Variants in ATG16L1 observed in about 807,000 individuals in gnomAD.
ATG16L1 encodes autophagy-related protein 16-1.
A neutral mutation model predicts 88.5 loss-of-function variants in ATG16L1; 37 were observed. That is an observed-to-expected ratio of 0.42 (90% CI 0.32 to 0.55). The LOEUF (loss-of-function observed/expected upper bound fraction) is 0.55. Ranked by LOEUF, ATG16L1 falls within the 20% of genes least tolerant of loss-of-function variation. ATG16L1 has a pLI of 0.13. For synonymous variants in ATG16L1, 301 were observed against 281.0 expected (o/e 1.07, Z -0.71); for missense variants, 554 against 752.8 (o/e 0.74, Z 3.09).
intron 5 of ATG16L1, chr2:233,265,807 G>A (rs1697528393): frequency 6.6e-6 from 1 of 152,208 alleles, no homozygotes; most frequent in Non-Finnish European, 1.5e-5. Context: ...ATCCTGCTAA[G>A]TCTATTTATT....
intron 12 of ATG16L1, among the ~76,000 whole-genome samples, chr2:233,283,667 C>T (rs1274053256): frequency 6.6e-6 from 1 of 151,842 alleles, no homozygotes; most frequent in Non-Finnish European, 1.5e-5. Flanking sequence ...TCTCCTGCCT[C>T]AGCCTCCTGA....
At chr2:233,264,804 C>G in intron 4 of ATG16L1, 88 bp from the exon 5 acceptor site, 1 of 1,535,184 alleles carries the variant, frequency 6.5e-7, no homozygotes, top group South Asian at 1.2e-5. Flanking sequence ...GTAACAGACA[C>G]AAAGTGTTAA....
intron 8 of ATG16L1, 153 bp downstream of exon 8, chr2:233,273,930 T>A (rs1698160864): frequency 6.5e-7 from 1 of 1,536,188 alleles, no homozygotes; most frequent in Admixed American, 2.0e-5. Context: ...TTCTTCCTTT[T>A]TTCCTCAACT....
chr2:233,290,026 A>G, intron 13 of ATG16L1, 52 bp downstream of exon 13: 1 of 1,600,852 alleles, frequency 6.2e-7, no homozygotes, highest in Non-Finnish European at 8.6e-7. Flanking sequence ...GTTAGCGTGG[A>G]GGTGTGTGTT....
chr2:233,271,003 A>T (rs1279188505), intron 6 of ATG16L1, among the ~76,000 whole-genome samples: 6 of 152,230 alleles, frequency 3.9e-5, no homozygotes, highest in Non-Finnish European at 8.8e-5. Context: ...TTCCCATATC[A>T]TGCCTTTGCT....
At position 233,270,025 on chromosome 2, in the gene ATG16L1, AAG is replaced by A; in HGVS notation, c.668_669del (p.Glu223AlafsTer15). ...AGGAGGCGGCAAGCCCGGCTGCAGA[AAG>A]AGCTTGCAGAAGCAGCAAAGGAACC... On this transcript the variant is annotated frameshift_variant, in exon 6 of 18. Coordinates refer to ENST00000392017, the MANE Select transcript of ATG16L1 (RefSeq NM_030803.7). LOFTEE classifies it high-confidence loss of function. The A allele has an allele frequency of 6.3e-7, 1 of 1,584,396 alleles. No homozygotes were observed. Among genetic ancestry groups the A allele is most frequent in the Non-Finnish European group, 8.6e-7 (1 of 1,168,252 alleles).
In ATG16L1 at chr2:233,284,125, T is replaced by C. The variant is rs571626446; in HGVS notation, c.1203+1372T>C. ...TCCCAAAGTGCTGGGATTACAGGCG[T>C]GAGCCACCGTGCCCAGCCTAAATTT... is the stretch of plus-strand genomic sequence containing the variant. On this transcript the variant is annotated intron_variant, in intron 12 of 17. Coordinates refer to ENST00000392017, the MANE Select transcript of ATG16L1 (RefSeq NM_030803.7). Among the ~76,000 whole-genome samples the C allele has an allele frequency of 3.3e-5, 5 of 151,120 alleles. No individual in the cohort carries two copies. In the South Asian group the frequency reaches 1.0e-3, roughly 32 times the overall value.
At chr2:233,268,010 C>T (rs1405102129) in intron 5 of ATG16L1, among the ~76,000 whole-genome samples, 2 of 152,182 alleles carry the variant, frequency 1.3e-5, no homozygotes, top group Non-Finnish European at 1.5e-5. Flanking sequence ...TCCTGCCTCC[C>T]CAGCTTAGAT....
chr2:233,283,392 C>G (rs1284462741), intron 12 of ATG16L1, among the ~76,000 whole-genome samples: 2 of 150,454 alleles, frequency 1.3e-5, no homozygotes, highest in Non-Finnish European at 2.9e-5. Flanking sequence ...ATCACATAAG[C>G]TTATTAAATA....
intron 2 of ATG16L1, among the ~76,000 whole-genome samples, chr2:233,260,632 T>C (rs1267374180): frequency 1.3e-5 from 2 of 152,200 alleles, no homozygotes; most frequent in African/African-American, 4.8e-5. Context: ...GGGGCTGATA[T>C]TCATTGTAAG....
chr2:233,292,308 C>T (rs1699513414), intron 15 of ATG16L1, 31 bp downstream of exon 15: 1 of 1,612,454 alleles, frequency 6.2e-7, no homozygotes, highest in Non-Finnish European at 8.5e-7. Context: ...TGCATGAAGA[C>T]CAGAGGCCCA....
intron 5 of ATG16L1, among the ~76,000 whole-genome samples, chr2:233,269,646 A>G (rs1697849482): frequency 2.0e-5 from 3 of 152,210 alleles, no homozygotes; most frequent in South Asian, 4.1e-4. Context: ...GTGTAAGACT[A>G]TTTGCTGCAG....
intron 12 of ATG16L1, 104 bp from the exon 13 acceptor site, chr2:233,289,750 G>A: frequency 2.7e-6 from 4 of 1,467,568 alleles, no homozygotes; most frequent in Non-Finnish European, 3.8e-6. Context: ...ATCTCAGGGT[G>A]GTCTGACACT....
At position 233,294,522 on chromosome 2, in the gene ATG16L1, G is replaced by A. The variant is rs539845304; in HGVS notation, c.*172G>A. Reference sequence around the variant, plus strand: ...GAATGGGATTTCTGAAGATTTGACTGAGGTCTCTCTTGGCCTGGAAGAATA... The same window carrying A: ...GAATGGGATTTCTGAAGATTTGACTAAGGTCTCTCTTGGCCTGGAAGAATA... On this transcript the variant is annotated 3_prime_UTR_variant, in exon 18 of 18. Transcript: ENST00000392017. The A allele has an allele frequency of 5.1e-5, 27 of 526,732 alleles. No individual in the cohort carries two copies. The highest frequency in any genetic ancestry group is 1.1e-4 in the Admixed American group (3 of 27,776). 32.6% of individuals were successfully genotyped at this position (526,732 alleles called of 1,614,324 possible). A position where few individuals can be genotyped will look rare whatever the true frequency, so the allele number is the denominator to read the frequency against.
intron 12 of ATG16L1, among the ~76,000 whole-genome samples, chr2:233,289,377 A>AT (rs1553608984): frequency 3.1e-5 from 4 of 129,060 alleles, no homozygotes; most frequent in African/African-American, 1.2e-4. Context: ...CCTGTTTGGG[A>AT]TGTGTGTGTG....
At chr2:233,273,564 T>C in intron 7 of ATG16L1, 157 bp from the exon 8 acceptor site, 1 of 627,298 alleles carries the variant, frequency 1.6e-6, no homozygotes. Flanking sequence ...CCCACTGTTT[T>C]CTGGCAGTTT....
intron 2 of ATG16L1, among the ~76,000 whole-genome samples, chr2:233,262,604 A>G (rs753274636): frequency 6.6e-6 from 1 of 152,200 alleles, no homozygotes; most frequent in African/African-American, 2.4e-5. Flanking sequence ...AAGGGTCCAC[A>G]TGGCTTATTC....
At chr2:233,253,697 C>A (rs1391077993) in intron 1 of ATG16L1, among the ~76,000 whole-genome samples, 1 of 152,108 alleles carries the variant, frequency 6.6e-6, no homozygotes, top group East Asian at 1.9e-4. Context: ...ATTTGCTTTT[C>A]TCACTGGCTC....
intron 11 of ATG16L1, among the ~76,000 whole-genome samples, chr2:233,282,229 GAGATGCAGA>G (rs1251602946): frequency 5.9e-5 from 9 of 152,232 alleles, no homozygotes; most frequent in Non-Finnish European, 1.0e-4. Flanking sequence ...TGCTTCTGCA[GAGATGCAGA>G]AGGCCCAGGT....
Sources: allele counts gnomAD v4.1 joint callset (sites outside exome capture counted in the v4.1 genomes callset), GRCh38; gene constraint gnomAD v4.1.1; transcripts MANE v1.5; gene names NCBI Gene and HGNC (gene_info 2026-07-23, HGNC 2026-07-21).